Variants in CNTN5 observed in about 807,000 individuals in gnomAD.
CNTN5 encodes contactin 5.
CNTN5 carries 77 observed loss-of-function variants against 129.1 expected under a neutral mutation model. The observed-to-expected ratio is 0.60, with a 90% confidence interval of 0.50 to 0.72. The LOEUF is 0.72. CNTN5 is among the 30% of genes least tolerant of loss of function. The pLI, the probability that CNTN5 is intolerant of heterozygous loss-of-function variation, is 0.00. For missense variants in CNTN5, 1,478 were observed against 1,328.8 expected (o/e 1.11, Z -1.75); for synonymous variants, 509 against 465.6 (o/e 1.09, Z -1.20).
At chr11:99,523,597 G>GA (rs1555015797) in intron 2 of CNTN5, among the ~76,000 whole-genome samples, 13 of 127,480 alleles carry the variant, frequency 1.0e-4, no homozygotes, top group East Asian at 4.7e-4. Flanking sequence ...CTCAAAGAAA[G>GA]ATAGAATAGA....
chr11:99,846,191 C>T (rs1591301986), intron 6 of CNTN5, among the ~76,000 whole-genome samples: 1 of 147,878 alleles, frequency 6.8e-6, no homozygotes, highest in Non-Finnish European at 1.5e-5. Context: ...GTAGATAATA[C>T]ACCTGATTAA....
intron 2 of CNTN5, among the ~76,000 whole-genome samples, chr11:99,424,616 T>C (rs964593720): frequency 6.6e-6 from 1 of 152,216 alleles, no homozygotes; most frequent in African/African-American, 2.4e-5. Context: ...CTGTGAGCAC[T>C]GGGGAACATG....
At chr11:99,807,051 T>C (rs554784479) in intron 3 of CNTN5, among the ~76,000 whole-genome samples, 48 of 152,162 alleles carry the variant, frequency 3.2e-4, no homozygotes, top group Admixed American at 2.9e-3. Flanking sequence ...AAATATTTGA[T>C]ATATAATTTA....
intron 2 of CNTN5, among the ~76,000 whole-genome samples, chr11:99,449,094 A>T (rs574662709): frequency 6.6e-6 from 1 of 152,062 alleles, no homozygotes; most frequent in Non-Finnish European, 1.5e-5. Context: ...CAAATGTTTT[A>T]TATAACAATT....
intron 13 of CNTN5, among the ~76,000 whole-genome samples, chr11:100,087,269 T>C (rs11828264): frequency 0.074 from 11,256 of 151,740 alleles, 1,167 homozygotes; most frequent in African/African-American, 0.23. Flanking sequence ...AAAAATGATA[T>C]TTCAAATTGA....
intron 2 of CNTN5, among the ~76,000 whole-genome samples, chr11:99,472,117 C>T (rs1433498224): frequency 6.6e-6 from 1 of 152,078 alleles, no homozygotes; most frequent in Admixed American, 6.6e-5. Context: ...AAAGTTTCTC[C>T]GCTACTTCCC....
At chr11:99,644,956 A>G (rs1198369597) in intron 3 of CNTN5, among the ~76,000 whole-genome samples, 1 of 151,998 alleles carries the variant, frequency 6.6e-6, no homozygotes, top group Non-Finnish European at 1.5e-5. Flanking sequence ...TAAGAAACAA[A>G]CAAAAAGATA....
intron 1 of CNTN5, among the ~76,000 whole-genome samples, chr11:99,100,466 A>G (rs997814122): frequency 1.3e-5 from 2 of 151,980 alleles, no homozygotes; most frequent in Non-Finnish European, 2.9e-5. Flanking sequence ...TTTGGCTTTC[A>G]TTTGTTTTTT....
intron 10 of CNTN5, among the ~76,000 whole-genome samples, chr11:100,064,470 C>A (rs1306898300): frequency 6.6e-6 from 1 of 151,954 alleles, no homozygotes; most frequent in Non-Finnish European, 1.5e-5. Context: ...AGTTAAGATA[C>A]ACTTACATGT....
At chr11:99,326,456 C>A (rs1319910235) in intron 2 of CNTN5, among the ~76,000 whole-genome samples, 1 of 152,096 alleles carries the variant, frequency 6.6e-6, no homozygotes, top group Non-Finnish European at 1.5e-5. Flanking sequence ...GCTTTCAGTA[C>A]CTTCAAGCTT....
chr11:99,981,941 T>C (rs370192360), intron 8 of CNTN5, among the ~76,000 whole-genome samples: 1 of 152,278 alleles, frequency 6.6e-6, no homozygotes, highest in East Asian at 1.9e-4. Context: ...AAAATTGCAG[T>C]CATACAACTT....
At chr11:100,062,890 C>A (rs1943540340) in intron 10 of CNTN5, among the ~76,000 whole-genome samples, 1 of 152,036 alleles carries the variant, frequency 6.6e-6, no homozygotes, top group East Asian at 1.9e-4. Context: ...TTTCTGTACC[C>A]CAGTGGAGCA....
chr11:99,288,169 A>C (rs2135910915), intron 1 of CNTN5, among the ~76,000 whole-genome samples: 1 of 152,116 alleles, frequency 6.6e-6, no homozygotes, highest in East Asian at 1.9e-4. Context: ...GATTATGGGT[A>C]ATTAGCTTGT....
At chr11:99,360,131 CT>C in intron 2 of CNTN5, among the ~76,000 whole-genome samples, 1 of 152,312 alleles carries the variant, frequency 6.6e-6, no homozygotes, top group African/African-American at 2.4e-5. Flanking sequence ...GAATAATCTT[CT>C]TTGGTTCCAT....
chr11:99,045,101 T>C (rs988699745), intron 1 of CNTN5, among the ~76,000 whole-genome samples: 2 of 152,204 alleles, frequency 1.3e-5, no homozygotes, highest in African/African-American at 4.8e-5. Flanking sequence ...TTTGAAGTGC[T>C]AAAGAATGAT....
intron 2 of CNTN5, among the ~76,000 whole-genome samples, chr11:99,336,988 A>G (rs1487736308): frequency 6.6e-6 from 1 of 152,196 alleles, no homozygotes; most frequent in African/African-American, 2.4e-5. Flanking sequence ...AAGAAATTTA[A>G]CAAGAATTTT....
chr11:99,155,198 C>G (rs576351881), intron 1 of CNTN5, among the ~76,000 whole-genome samples: 10 of 152,276 alleles, frequency 6.6e-5, no homozygotes, highest in Admixed American at 3.9e-4. Context: ...AGCTATTTCC[C>G]CCTTCCGCCC....
chr11:99,023,004 G>T (rs897554398), intron 1 of CNTN5, among the ~76,000 whole-genome samples: 4 of 152,236 alleles, frequency 2.6e-5, no homozygotes, highest in Admixed American at 6.5e-5. Flanking sequence ...CTAAATGCCG[G>T]ACTTTGTCTA....
At chr11:100,176,144 C>T (rs966836922) in intron 13 of CNTN5, among the ~76,000 whole-genome samples, 2 of 151,868 alleles carry the variant, frequency 1.3e-5, no homozygotes, top group East Asian at 3.9e-4. Context: ...CTCAACCTCC[C>T]GAGTTGCTGG....
Sources: gnomAD v4.1 joint callset for allele counts (sites outside exome capture counted in the v4.1 genomes callset) on GRCh38, gnomAD v4.1.1 for gene constraint, MANE v1.5 for transcripts, NCBI Gene and HGNC (gene_info 2026-07-23, HGNC 2026-07-21) for gene names.